Variants in RAPGEF5 observed in about 807,000 individuals in gnomAD.
RAPGEF5 encodes the protein M-Ras-regulated GEF.
Under a neutral mutation model 125.2 loss-of-function variants are expected in RAPGEF5, and 65 were observed. The observed-to-expected ratio is 0.52, with a 90% CI of 0.43 to 0.64. The LOEUF is 0.64. Ranked by LOEUF, RAPGEF5 falls within the 30% of genes least tolerant of loss-of-function variation. The probability of loss-of-function intolerance (pLI) is 0.00; values close to 1 mark genes in which losing one functional copy is unlikely to be tolerated. For synonymous variants in RAPGEF5, 391 were observed against 385.9 expected (o/e 1.01, Z -0.16); for missense variants, 958 against 1,048.1 (o/e 0.91, Z 1.19).
chr7:22,316,412 T>C (rs893148000), intron 2 of RAPGEF5, among the ~76,000 whole-genome samples: 2 of 147,048 alleles, frequency 1.4e-5, no homozygotes, highest in Admixed American at 6.8e-5. Context: ...TATATATATA[T>C]ACATACACAC....
chr7:22,165,972 T>A (rs1468360994), intron 12 of RAPGEF5, among the ~76,000 whole-genome samples: 1 of 150,864 alleles, frequency 6.6e-6, no homozygotes, highest in Non-Finnish European at 1.5e-5. Context: ...CATGCCATCA[T>A]GCCCAGCTAG....
In RAPGEF5 at chr7:22,156,826, C is replaced by T. The variant is rs561880994; in HGVS notation, c.1620G>A (p.Val540=). ...KENWLQHRGT[V]TETEEIFCHV... The stretch of plus-strand genomic sequence containing the variant: ...CATACTCACTTTCCTCCGTTTCAGT[C>T]ACAGTTCCTCTATGCTGGAGCCAGT... Residue 540 remains valine (V), a synonymous_variant, in exon 16 of 26, where the codon GTG becomes GTA. Transcript: ENST00000665637. 10 of 1,613,904 alleles carry T rather than the reference C, an allele frequency of 6.2e-6. No homozygotes were observed. In the South Asian group the frequency reaches 1.1e-4, roughly 18 times the overall value.
chr7:22,335,371 C>G (rs1360427234), intron 1 of RAPGEF5, among the ~76,000 whole-genome samples: 1 of 152,164 alleles, frequency 6.6e-6, no homozygotes, highest in African/African-American at 2.4e-5. Flanking sequence ...CTGGGAAAGG[C>G]AGAGGTAGAT....
intron 5 of RAPGEF5, among the ~76,000 whole-genome samples, chr7:22,295,632 A>G (rs13244202): frequency 0.13 from 20,423 of 152,118 alleles, 1,631 homozygotes; most frequent in East Asian, 0.34. Flanking sequence ...AGTAATCACA[A>G]AGACTAGGAC....
chr7:22,154,136 T>A (rs1783722543), intron 17 of RAPGEF5, among the ~76,000 whole-genome samples: 1 of 152,138 alleles, frequency 6.6e-6, no homozygotes, highest in Admixed American at 6.5e-5. Context: ...GTAATTTCAC[T>A]CTTTAGCAAT....
chr7:22,131,277 T>C (rs990025026), intron 23 of RAPGEF5, among the ~76,000 whole-genome samples, 176 bp from the exon 24 acceptor site: 2 of 152,192 alleles, frequency 1.3e-5, no homozygotes, highest in Non-Finnish European at 2.9e-5. Context: ...TAAAAGTGCA[T>C]AATTTATGTG....
At chr7:22,181,336 GA>G (rs1363710671) in intron 11 of RAPGEF5, among the ~76,000 whole-genome samples, 1 of 152,166 alleles carries the variant, frequency 6.6e-6, no homozygotes, top group African/African-American at 2.4e-5. Flanking sequence ...AAAAATAGCA[GA>G]AGCTTACATA....
chr7:22,217,050 T>A (rs1785655093), intron 9 of RAPGEF5, among the ~76,000 whole-genome samples: 1 of 152,246 alleles, frequency 6.6e-6, no homozygotes, highest in African/African-American at 2.4e-5. Flanking sequence ...GGCATCTATG[T>A]GGCATTCTAG....
intron 5 of RAPGEF5, among the ~76,000 whole-genome samples, chr7:22,301,510 G>C (rs1193468657): frequency 1.3e-5 from 2 of 151,212 alleles, no homozygotes; most frequent in East Asian, 3.9e-4. Flanking sequence ...AGCTACTTGA[G>C]AGGCTGCGGC....
At chr7:22,355,382 T>C (rs1204723346) in intron 1 of RAPGEF5, among the ~76,000 whole-genome samples, 1 of 152,188 alleles carries the variant, frequency 6.6e-6, no homozygotes, top group Non-Finnish European at 1.5e-5. Flanking sequence ...CCCTCATGTC[T>C]TCAGTATTCT....
At chr7:22,160,226 A>T (rs984827247) in intron 14 of RAPGEF5, among the ~76,000 whole-genome samples, 11 of 152,258 alleles carry the variant, frequency 7.2e-5, no homozygotes, top group African/African-American at 1.7e-4. Context: ...ACAGACTTTT[A>T]AAATTAAGTA....
chr7:22,275,867 C>T (rs557768397), intron 6 of RAPGEF5, among the ~76,000 whole-genome samples: 1 of 152,262 alleles, frequency 6.6e-6, no homozygotes, highest in Admixed American at 6.5e-5. Flanking sequence ...GAAACCATTT[C>T]CTGTCGTGGA....
intron 20 of RAPGEF5, among the ~76,000 whole-genome samples, chr7:22,142,350 G>A (rs571052193): frequency 1.1e-4 from 16 of 152,176 alleles, no homozygotes; most frequent in African/African-American, 3.6e-4. Flanking sequence ...GAACTTCTGG[G>A]GAAATGATTT....
At chr7:22,175,056 G>A (rs139284744) in intron 11 of RAPGEF5, among the ~76,000 whole-genome samples, 7 of 152,296 alleles carry the variant, frequency 4.6e-5, no homozygotes, top group African/African-American at 1.4e-4. Flanking sequence ...ATGAGTTAAG[G>A]AAGGGGAAAG....
intron 6 of RAPGEF5, 115 bp downstream of exon 6, chr7:22,291,060 T>C (rs373493954): frequency 4.1e-6 from 5 of 1,222,534 alleles, no homozygotes; most frequent in African/African-American, 1.5e-5. Context: ...CCTCCCACAA[T>C]GATGAGCAGC....
intron 10 of RAPGEF5, 77 bp downstream of exon 10, chr7:22,193,838 T>A: frequency 6.2e-7 from 1 of 1,611,962 alleles, no homozygotes; most frequent in African/African-American, 1.3e-5. Context: ...GCGAGTGAGA[T>A]GGAGCAAGGG....
intron 20 of RAPGEF5, among the ~76,000 whole-genome samples, chr7:22,144,291 T>C (rs773677137): frequency 6.6e-6 from 1 of 152,208 alleles, no homozygotes; most frequent in Non-Finnish European, 1.5e-5. Context: ...AGAAATCCTA[T>C]ATAAACAGAT....
intron 2 of RAPGEF5, among the ~76,000 whole-genome samples, chr7:22,317,204 C>T (rs1783619277): frequency 6.7e-6 from 1 of 149,836 alleles, no homozygotes. Context: ...ACAAAGCTCA[C>T]AGTCTCCTGT....
At chr7:22,312,288 A>T (rs753013119) in intron 3 of RAPGEF5, among the ~76,000 whole-genome samples, 1 of 151,742 alleles carries the variant, frequency 6.6e-6, no homozygotes, top group African/African-American at 2.4e-5. Flanking sequence ...GGCTCACTGC[A>T]AACTCTGCCT....
Sources: allele counts gnomAD v4.1 joint callset (sites outside exome capture counted in the v4.1 genomes callset), GRCh38; gene constraint gnomAD v4.1.1; transcripts MANE v1.5; gene names NCBI Gene and HGNC (gene_info 2026-07-23, HGNC 2026-07-21).